ADGRL1: variants seen among roughly 807,000 people sequenced by gnomAD.
ADGRL1 encodes adhesion G protein-coupled receptor L1.
Under a neutral mutation model 148.9 loss-of-function variants are expected in ADGRL1, and 31 were observed. The ratio of observed to expected loss-of-function variants is 0.21; its 90% CI spans 0.16 to 0.28. The LOEUF is 0.28. Among genes scored for constraint, ADGRL1 ranks in the 10% least tolerant of loss-of-function variants. The pLI, the probability that ADGRL1 is intolerant of heterozygous loss-of-function variation, is 1.00. For missense variants in ADGRL1, 1,521 were observed against 2,058.8 expected (o/e 0.74, Z 5.05); for synonymous variants, 937 against 900.3 (o/e 1.04, Z -0.73).
chr19:14,158,199 G>T, intron 12 of ADGRL1, 139 bp downstream of exon 12: 1 of 1,215,402 alleles, frequency 8.2e-7, no homozygotes, highest in Non-Finnish European at 1.2e-6. Context: ...TGAGAGCTCT[G>T]GGGACAAATG....
chr19:14,180,487 C>T (rs1971116949), intron 2 of ADGRL1, among the ~76,000 whole-genome samples: 1 of 152,068 alleles, frequency 6.6e-6, no homozygotes, highest in African/African-American at 2.4e-5. Context: ...AACTCCTGAC[C>T]TCAGGTGATC....
Position 14,170,882 on chromosome 19 carries a change from C to T in ADGRL1, c.285-91G>A, listed in dbSNP as rs1970413531. ...TGCTCCAGGGTCATGGTGTCATAGA[C>T]ACCCCCAAATTGGGAAGGGGCAGTG... is the stretch of plus-strand genomic sequence containing the variant. On this transcript the variant is annotated intron_variant, in intron 3 of 22. Transcript: ENST00000361434. 5.8e-6 allele frequency: 4 copies of T among 693,994 alleles called. No homozygotes were observed. The Admixed American group carries it at 6.7e-5, about 12-fold the overall frequency. The allele number at this position is 693,994 out of a possible 1,614,324, so 43.0% of individuals were successfully genotyped here.
chr19:14,205,082 G>A (rs1972897123), intron 1 of ADGRL1, among the ~76,000 whole-genome samples: 1 of 152,024 alleles, frequency 6.6e-6, no homozygotes, highest in Non-Finnish European at 1.5e-5. Context: ...CTTCAGATGG[G>A]GGCCAGGGGT....
At chr19:14,177,334 G>A (rs113308175) in intron 3 of ADGRL1, among the ~76,000 whole-genome samples, 197 bp downstream of exon 3, 85 of 152,196 alleles carry the variant, frequency 5.6e-4, no homozygotes, top group Non-Finnish European at 1.0e-3. Flanking sequence ...ATAGGCCTCT[G>A]TCGGGGGCAC....
chr19:14,167,621 C>T (rs1301405196), intron 4 of ADGRL1, among the ~76,000 whole-genome samples: 2 of 152,168 alleles, frequency 1.3e-5, no homozygotes, highest in African/African-American at 2.4e-5. Context: ...CACCCAGGTC[C>T]AGCTGACTTC....
At position 14,150,887 on chromosome 19, in the gene ADGRL1, C is replaced by G; in HGVS notation, c.4396G>C (p.Val1466Leu). Reference sequence around the variant, plus strand: ...ATGAGGTGCCCTCAGAGACTGGTGACCAGCTGCATCTGCCCGTCCCCATCG... The same window carrying G: ...ATGAGGTGCCCTCAGAGACTGGTGAGCAGCTGCATCTGCCCGTCCCCATCG... ...GPDGDGQMQL[V>L]TSL The change falls in exon 23 of 23, where the codon GTC becomes CTC. Residue 1466 changes from valine to leucine, a missense_variant. Physicochemically the swap from Val to Leu is conservative, Grantham distance 32. This residue lies in a region of ADGRL1 where 390 missense variants were observed against 375.0 expected (regional missense o/e 1.04). Transcript: ENST00000361434. 3 of 1,612,202 alleles carry G rather than the reference C, an allele frequency of 1.9e-6. No homozygotes were observed. The highest frequency in any genetic ancestry group is 1.1e-5 in the South Asian group (1 of 91,022).
At chr19:14,191,869 G>C (rs546742236) in intron 1 of ADGRL1, among the ~76,000 whole-genome samples, 2 of 151,998 alleles carry the variant, frequency 1.3e-5, no homozygotes, top group Admixed American at 1.3e-4. Flanking sequence ...CTACTTTTTC[G>C]ATTTTTTTTG....
At position 14,149,839 on chromosome 19, in the gene ADGRL1, C is replaced by T. The variant is rs909475673; in HGVS notation, c.*1034G>A. Reference sequence around the variant, plus strand: ...GAAGTCCTGGCTGCCAGGCCAGCAGCGCTGCTCTGCTCCGGAGAAAGCCCG... The same window carrying T: ...GAAGTCCTGGCTGCCAGGCCAGCAGTGCTGCTCTGCTCCGGAGAAAGCCCG... On this transcript the variant is annotated 3_prime_UTR_variant, in exon 23 of 23. Transcript: ENST00000361434. 3 of 151,542 alleles carry T rather than the reference C, an allele frequency of 2.0e-5. No individual in the cohort carries two copies. The highest frequency in any genetic ancestry group is 4.9e-5 in the African/African-American group (2 of 41,038). The allele number at this position is 151,542 out of a possible 1,614,324, so 9.4% of individuals were successfully genotyped here.
Position 14,156,658 on chromosome 19 carries a change from C to T in ADGRL1, c.3033G>A (p.Val1011=). 1 of 1,610,670 alleles carries T rather than the reference C, an allele frequency of 6.2e-7. No individual in the cohort carries two copies. Among genetic ancestry groups the T allele is most frequent in the East Asian group, 2.2e-5 (1 of 44,758 alleles). The change falls in exon 16 of 23, where the codon GTG becomes GTA. Residue 1011 remains valine (V), a splice_region_variant and synonymous_variant. Coordinates refer to ENST00000361434, the MANE Select transcript of ADGRL1 (RefSeq NM_014921.5). ...SFIGPVSFVI[V]VNLVFLMVTL... is the part of the protein sequence containing the mutation. ...CTAGGGGTGTCACCTCCCAACTCACCACGATAACGAAGGAGACTGGCCCGA... is the reference window on the plus strand; with the variant it reads ...CTAGGGGTGTCACCTCCCAACTCACTACGATAACGAAGGAGACTGGCCCGA...
In ADGRL1 at chr19:14,158,374, G is replaced by A. The variant is rs771749094; in HGVS notation, c.2328C>T (p.Leu776=). 6.2e-7 allele frequency: 1 copy of A among 1,613,852 alleles called. No homozygotes were observed. The highest frequency in any genetic ancestry group is 8.5e-7 in the Non-Finnish European group (1 of 1,180,026). The change falls in exon 12 of 23, where the codon CTC becomes CTT. Residue 776 remains leucine (L), a synonymous_variant. Transcript: ENST00000361434. The part of the protein sequence containing the change: ...SINKESSRVF[L]MDPVIFTVAH... ...CCACGGTGAAGATGACAGGGTCCAT[G>A]AGGAAGACGCGGCTGGACTCCTTGT...
Position 14,159,778 on chromosome 19 carries a change from A to G in ADGRL1, c.1801-5T>C. On this transcript the variant is annotated splice_polypyrimidine_tract_variant and splice_region_variant and intron_variant, in intron 8 of 22. Coordinates refer to ENST00000361434, the MANE Select transcript of ADGRL1 (RefSeq NM_014921.5). This position sits in a 1 kb window ranked among gnomAD's most constrained non-coding sequence, Gnocchi z 6.0. ...AGTTCTCTCTCGCTTGTGCATCTAG[A>G]AAGAGATGGAGGTGATGTCAGGCCA... 6.2e-7 allele frequency: 1 copy of G among 1,613,480 alleles called. No homozygotes were observed. The highest frequency in any genetic ancestry group is 8.5e-7 in the Non-Finnish European group (1 of 1,179,520).
rs1327540851 is a variant in ADGRL1 at position 14,161,666 on chromosome 19, G to A, written c.1196-40C>T. The A allele has an allele frequency of 7.6e-7, 1 of 1,315,726 alleles. No homozygotes were observed. 81.5% of individuals were successfully genotyped at this position (1,315,726 alleles called of 1,614,324 possible). A position where few individuals can be genotyped will look rare whatever the true frequency, so the allele number is the denominator to read the frequency against. On this transcript the variant is annotated intron_variant, in intron 5 of 22. Coordinates refer to ENST00000361434, the MANE Select transcript of ADGRL1 (RefSeq NM_014921.5). The surrounding 1 kb of genome is among the most constrained non-coding windows in gnomAD (Gnocchi z 4.4). ...CGAGACAGGGTCATCCCCATGCTCA[G>A]GGCCATGCCACAGTGTGCTTGGGCA...
Position 14,174,858 on chromosome 19 carries a change from T to C in ADGRL1, c.284+2673A>G, listed in dbSNP as rs916528930. On this transcript the variant is annotated intron_variant, in intron 3 of 22. Transcript: ENST00000361434. ...GTCTGTTTTTTTTTTTTTTTTTTTTTAGAGACAGGGTCTTGCTCAGTCACC... is the reference window on the plus strand; with the variant it reads ...GTCTGTTTTTTTTTTTTTTTTTTTTCAGAGACAGGGTCTTGCTCAGTCACC... 3.5e-3 allele frequency among the ~76,000 whole-genome samples: 482 copies of C among 136,854 alleles called. 2 individuals are homozygous for C. Among genetic ancestry groups the C allele is most frequent in the Non-Finnish European group, 4.5e-3 (292 of 64,412 alleles). 89.8% of individuals were successfully genotyped at this position (136,854 alleles called of 152,430 possible). A position where few individuals can be genotyped will look rare whatever the true frequency, so the allele number is the denominator to read the frequency against.
At chr19:14,166,580 G>GA (rs950916476) in intron 4 of ADGRL1, among the ~76,000 whole-genome samples, 2 of 148,312 alleles carry the variant, frequency 1.3e-5, no homozygotes, top group Non-Finnish European at 3.0e-5. Context: ...GAGAGAGAGA[G>GA]AAAGAGAGAG....
chr19:14,203,686 C>T (rs1054565714), intron 1 of ADGRL1, among the ~76,000 whole-genome samples: 4 of 149,744 alleles, frequency 2.7e-5, no homozygotes, highest in Non-Finnish European at 4.5e-5. Context: ...AGCTGGGCTT[C>T]GAGTCCCCCC....
At chr19:14,158,283 G>C (rs1347549277) in intron 12 of ADGRL1, 55 bp downstream of exon 12, 5 of 1,560,220 alleles carry the variant, frequency 3.2e-6, no homozygotes, top group Non-Finnish European at 4.4e-6. Context: ...TACACAGCCT[G>C]GGAACACAGA....
At chr19:14,179,318 C>T (rs1971032340) in intron 2 of ADGRL1, among the ~76,000 whole-genome samples, 1 of 152,006 alleles carries the variant, frequency 6.6e-6, no homozygotes, top group Non-Finnish European at 1.5e-5. Context: ...AACGGTGAAA[C>T]CCCATCTCTA....
rs763661829 is a variant in ADGRL1 at position 14,160,708 on chromosome 19, G to A, written c.1511-12C>T. 5 of 1,520,436 alleles carry A rather than the reference G, an allele frequency of 3.3e-6. No homozygotes were observed. In the Admixed American group the frequency reaches 6.7e-5, roughly 20 times the overall value. The allele number at this position is 1,520,436 out of a possible 1,614,324, so 94.2% of individuals were successfully genotyped here. ...GAAGGAGGCAATTCCTGCAGGGACA[G>A]ACAGACAGGAACAGACAAGGGAGCC... On this transcript the variant is annotated splice_polypyrimidine_tract_variant and intron_variant, in intron 6 of 22. Coordinates refer to ENST00000361434, the MANE Select transcript of ADGRL1 (RefSeq NM_014921.5). This position sits in a 1 kb window ranked among gnomAD's most constrained non-coding sequence, Gnocchi z 5.9.
intron 1 of ADGRL1, among the ~76,000 whole-genome samples, chr19:14,191,994 G>C (rs1005363447): frequency 5.3e-5 from 8 of 151,918 alleles, no homozygotes; most frequent in Non-Finnish European, 8.8e-5. Flanking sequence ...CACAAGCGCC[G>C]GCCTCTCTCT....
Sources: allele counts gnomAD v4.1 joint callset (sites outside exome capture counted in the v4.1 genomes callset), GRCh38; gene constraint gnomAD v4.1.1; regional missense constraint gnomAD v4.1.1; non-coding constraint Gnocchi (gnomAD v3.1); transcripts MANE v1.5; gene names NCBI Gene and HGNC (gene_info 2026-07-23, HGNC 2026-07-21).